The following KCNQ3 variants were observed in gnomAD, a reference collection of about 807,000 sequenced individuals.
KCNQ3 encodes the protein potassium voltage-gated channel subfamily Q member 3.
A neutral mutation model predicts 92.5 loss-of-function variants in KCNQ3; 30 were observed. That is an observed-to-expected ratio of 0.32 (90% CI 0.24 to 0.44). The LOEUF is 0.44. Ranked by LOEUF, KCNQ3 falls within the 20% of genes least tolerant of loss-of-function variation. KCNQ3 has a pLI of 1.00. For synonymous variants in KCNQ3, 450 were observed against 468.8 expected (o/e 0.96, Z 0.52); for missense variants, 913 against 1,140.3 (o/e 0.80, Z 2.87).
chr8:132,386,991 A>G (rs1819906932), intron 1 of KCNQ3, among the ~76,000 whole-genome samples: 1 of 152,216 alleles, frequency 6.6e-6, no homozygotes, highest in South Asian at 2.1e-4. Context: ...CTCTGATTTG[A>G]TCATTACAGA....
chr8:132,417,520 G>C (rs1820849120), intron 1 of KCNQ3, among the ~76,000 whole-genome samples: 1 of 152,212 alleles, frequency 6.6e-6, no homozygotes, highest in Non-Finnish European at 1.5e-5. Context: ...AAAACACCCA[G>C]CACATGGACA....
At chr8:132,327,417 GC>G (rs1818092494) in intron 1 of KCNQ3, among the ~76,000 whole-genome samples, 1 of 152,106 alleles carries the variant, frequency 6.6e-6, no homozygotes, top group African/African-American at 2.4e-5. Flanking sequence ...CAAGTAACCC[GC>G]CCCAAACCAC....
At position 132,129,784 on chromosome 8, in the gene KCNQ3, G is replaced by A. The variant is rs139678098; in HGVS notation, c.2097C>T (p.Phe699=). 1.9e-4 allele frequency: 308 copies of A among 1,614,086 alleles called. 1 individual carries two copies. The highest frequency in any genetic ancestry group is 3.7e-5 in the Non-Finnish European group (44 of 1,180,048). ...ETGPPEPPYS[F]HQVTIDKVSP... ...TGACTTTGTCAATGGTCACCTGGTGGAAGCTGTAGGGTGGTTCCGGGGGGC... is the reference window on the plus strand; with the variant it reads ...TGACTTTGTCAATGGTCACCTGGTGAAAGCTGTAGGGTGGTTCCGGGGGGC... Residue 699 remains phenylalanine (F), a synonymous_variant, in exon 15 of 15, where the codon TTC becomes TTT. Transcript: ENST00000388996. This position sits in a 1 kb window ranked among gnomAD's most constrained non-coding sequence, Gnocchi z 5.9.
At chr8:132,272,667 T>C (rs2130503133) in intron 1 of KCNQ3, among the ~76,000 whole-genome samples, 1 of 152,230 alleles carries the variant, frequency 6.6e-6, no homozygotes, top group East Asian at 1.9e-4. Flanking sequence ...ACTCCTCTTT[T>C]GAAAGCCATC....
chr8:132,392,146 C>G (rs2130771768), intron 1 of KCNQ3, among the ~76,000 whole-genome samples: 1 of 152,296 alleles, frequency 6.6e-6, no homozygotes, highest in South Asian at 2.1e-4. Context: ...GACGTAATTC[C>G]TCTGACCTAA....
intron 4 of KCNQ3, among the ~76,000 whole-genome samples, chr8:132,176,114 G>A (rs769125023): frequency 8.5e-5 from 13 of 152,176 alleles, no homozygotes; most frequent in Non-Finnish European, 1.5e-4. Flanking sequence ...TAAATGAAGG[G>A]ACAGAGCCAC....
intron 1 of KCNQ3, among the ~76,000 whole-genome samples, chr8:132,460,275 A>G (rs144659595): frequency 1.8e-4 from 27 of 152,328 alleles, no homozygotes; most frequent in African/African-American, 6.3e-4. Flanking sequence ...GCAAGGATAT[A>G]TATGTGTGTA....
chr8:132,153,141 T>C (rs188115074), intron 9 of KCNQ3, among the ~76,000 whole-genome samples: 21 of 152,328 alleles, frequency 1.4e-4, no homozygotes, highest in Admixed American at 1.2e-3. Context: ...TGGCTGCAGC[T>C]CAGAAGAAAC....
chr8:132,145,211 G>A (rs1357061965), intron 9 of KCNQ3, among the ~76,000 whole-genome samples: 1 of 152,188 alleles, frequency 6.6e-6, no homozygotes, highest in African/African-American at 2.4e-5. Context: ...GTAAGCTTTT[G>A]GGCCTGAAAC....
At chr8:132,230,501 C>T (rs551165562) in intron 1 of KCNQ3, among the ~76,000 whole-genome samples, 1 of 149,932 alleles carries the variant, frequency 6.7e-6, no homozygotes, top group Admixed American at 6.6e-5. Flanking sequence ...TAACCTCTTA[C>T]CATATTAAGT....
chr8:132,451,864 T>C (rs1437621078), intron 1 of KCNQ3, among the ~76,000 whole-genome samples: 3 of 152,162 alleles, frequency 2.0e-5, no homozygotes, highest in Non-Finnish European at 2.9e-5. Context: ...GCTTGGATGT[T>C]TGGATGTTCG....
At chr8:132,362,330 C>A (rs915960453) in intron 1 of KCNQ3, among the ~76,000 whole-genome samples, 3 of 152,092 alleles carry the variant, frequency 2.0e-5, no homozygotes, top group African/African-American at 7.2e-5. Flanking sequence ...CACATTTTTA[C>A]CTGTGGAAAT....
In KCNQ3 at chr8:132,399,232, T is replaced by C. The variant is rs181006433; in HGVS notation, c.386+80915A>G. On this transcript the variant is annotated intron_variant, in intron 1 of 14. Transcript: ENST00000388996. ...AAACTCTTTTAATGAGTTACAGAAA[T>C]AGCTCTCACCTCTGTGAGCCCAGAG... is the stretch of plus-strand genomic sequence containing the variant. Among the ~76,000 whole-genome samples, 695 of 152,318 alleles carry C rather than the reference T, an allele frequency of 4.6e-3. 3 individuals are homozygous for C. The highest frequency in any genetic ancestry group is 7.4e-3 in the Admixed American group (114 of 15,312).
intron 5 of KCNQ3, 129 bp downstream of exon 5, chr8:132,175,324 T>C (rs77494140): frequency 2.0e-6 from 2 of 1,018,022 alleles, no homozygotes; most frequent in Non-Finnish European, 3.1e-6. Flanking sequence ...TGAGCTGAAA[T>C]TGGTCTAGAG....
chr8:132,340,302 G>A (rs6999857), intron 1 of KCNQ3, among the ~76,000 whole-genome samples: 3,650 of 152,192 alleles, frequency 0.024, 60 homozygotes, highest in African/African-American at 0.039. Flanking sequence ...CTATAAGGAC[G>A]CATGCACACA....
chr8:132,362,123 CT>C (rs1819189289), intron 1 of KCNQ3, among the ~76,000 whole-genome samples: 1 of 151,900 alleles, frequency 6.6e-6, no homozygotes. Flanking sequence ...TATATTCTTT[CT>C]GCATGTGGCT....
At chr8:132,229,793 A>G (rs923288172) in intron 1 of KCNQ3, among the ~76,000 whole-genome samples, 4 of 152,184 alleles carry the variant, frequency 2.6e-5, no homozygotes, top group Admixed American at 2.0e-4. Flanking sequence ...GAGCAACTAC[A>G]GCATCCCCAC....
chr8:132,179,127 G>A (rs1211837804), intron 4 of KCNQ3, among the ~76,000 whole-genome samples: 1 of 150,588 alleles, frequency 6.6e-6, no homozygotes, highest in East Asian at 2.0e-4. Flanking sequence ...AGACACAGGG[G>A]TTTTCCTTCA....
chr8:132,325,481 G>A (rs909679270), intron 1 of KCNQ3, among the ~76,000 whole-genome samples: 12 of 152,152 alleles, frequency 7.9e-5, no homozygotes, highest in African/African-American at 2.9e-4. Context: ...ACTGTATCTG[G>A]AGATAGGGTT....
Sources: allele counts gnomAD v4.1 joint callset (sites outside exome capture counted in the v4.1 genomes callset), GRCh38; gene constraint gnomAD v4.1.1; non-coding constraint Gnocchi (gnomAD v3.1); transcripts MANE v1.5; gene names NCBI Gene and HGNC (gene_info 2026-07-23, HGNC 2026-07-21).